The following DDX10 variants were observed in gnomAD, a reference collection of about 807,000 sequenced individuals.
The protein encoded by DDX10 is probable ATP-dependent RNA helicase DDX10.
A neutral mutation model predicts 104.3 loss-of-function variants in DDX10; 74 were observed. The observed-to-expected ratio is 0.71, with a 90% CI of 0.59 to 0.86. The LOEUF is 0.86. Among genes scored for constraint, DDX10 ranks in the 40% least tolerant of loss-of-function variants. The pLI, the probability that DDX10 is intolerant of heterozygous loss-of-function variation, is 0.00. For missense variants in DDX10, 952 were observed against 1,040.0 expected (o/e 0.92, Z 1.16); for synonymous variants, 351 against 353.4 (o/e 0.99, Z 0.08).
chr11:108,739,486 T>C (rs145976189), intron 13 of DDX10, among the ~76,000 whole-genome samples: 121 of 152,336 alleles, frequency 7.9e-4, no homozygotes, highest in African/African-American at 2.6e-3. Flanking sequence ...TGTATACTTT[T>C]ATGAAGGTAA....
rs541841645 is a variant in DDX10 at position 108,801,253 on chromosome 11, C to A, written c.1966-37193C>A. On this transcript the variant is annotated intron_variant, in intron 13 of 17. Transcript: ENST00000322536. ...AAAAATCTATCATTATATGTCCTTA[C>A]CTGCCTAACCTGTGACGAGAAATGA... is the stretch of plus-strand genomic sequence containing the variant. Among the ~76,000 whole-genome samples, 11 of 152,254 alleles carry A rather than the reference C, an allele frequency of 7.2e-5. No homozygotes were observed. The South Asian group carries it at 2.3e-3, about 32-fold the overall frequency.
Position 108,852,165 on chromosome 11 carries a change from A to C in DDX10, c.2260A>C (p.Lys754Gln). Residue 754 changes from lysine to glutamine, a missense_variant, in exon 16 of 18, where the codon AAA (lysine) becomes CAA (glutamine). This residue lies in a region of DDX10 where 533 missense variants were observed against 534.1 expected (regional missense o/e 1.00). Transcript: ENST00000322536. ...IKAKHREKRL[K>Q]EREARREANK... is the part of the protein sequence containing the mutation. Reference sequence around the variant, plus strand: ...TCCTTGTCTCCAGGAGAAAAGACTGAAAGAAAGGGAAGCCAGAAGAGAAGC... The same window carrying C: ...TCCTTGTCTCCAGGAGAAAAGACTGCAAGAAAGGGAAGCCAGAAGAGAAGC... The C allele has an allele frequency of 6.2e-7, 1 of 1,610,976 alleles. No individual in the cohort carries two copies. The highest frequency in any genetic ancestry group is 1.3e-5 in the African/African-American group (1 of 74,984).
At chr11:108,784,651 C>A (rs977729165) in intron 13 of DDX10, among the ~76,000 whole-genome samples, 2 of 152,052 alleles carry the variant, frequency 1.3e-5, no homozygotes, top group Non-Finnish European at 2.9e-5. Context: ...AGGCTGTTTA[C>A]TCTGTTGGGA....
chr11:108,869,768 G>A (rs1171965568), intron 16 of DDX10, among the ~76,000 whole-genome samples: 2 of 151,928 alleles, frequency 1.3e-5, no homozygotes, highest in Non-Finnish European at 2.9e-5. Flanking sequence ...TGAAATTTTG[G>A]CAGTAGAGAT....
At chr11:108,885,418 C>T (rs919203213) in intron 16 of DDX10, among the ~76,000 whole-genome samples, 13 of 147,742 alleles carry the variant, frequency 8.8e-5, no homozygotes, top group African/African-American at 2.8e-4. Flanking sequence ...AGTGTAGTGG[C>T]GTGATCTCAG....
intron 16 of DDX10, among the ~76,000 whole-genome samples, chr11:108,881,537 G>C (rs916874994): frequency 5.3e-5 from 8 of 152,174 alleles, no homozygotes; most frequent in African/African-American, 1.9e-4. Flanking sequence ...ATGATGGTGT[G>C]AAAGTGATCC....
rs1023792897 is a variant in DDX10 at position 108,678,368 on chromosome 11, A to C, written c.591A>C (p.Thr197=). Reference sequence around the variant, plus strand: ...ACAACATAAATATACTCGTGTGCACACCAGGTCGGCTTCTTCAACACATGG... The same window carrying C: ...ACAACATAAATATACTCGTGTGCACCCCAGGTCGGCTTCTTCAACACATGG... ...RINNINILVC[T]PGRLLQHMDE... Residue 197 remains threonine (T), a synonymous_variant, in exon 5 of 18, where the codon ACA becomes ACC. Transcript: ENST00000322536. The C allele has an allele frequency of 1.9e-6, 3 of 1,613,490 alleles. No homozygotes were observed. Among genetic ancestry groups the C allele is most frequent in the Non-Finnish European group, 2.5e-6 (3 of 1,179,776 alleles).
At chr11:108,752,687 G>A (rs925247994) in intron 13 of DDX10, among the ~76,000 whole-genome samples, 1 of 152,006 alleles carries the variant, frequency 6.6e-6, no homozygotes, top group Non-Finnish European at 1.5e-5. Flanking sequence ...AATCACAGTG[G>A]TATTTATTTG....
intron 15 of DDX10, among the ~76,000 whole-genome samples, chr11:108,851,588 G>C (rs552705404): frequency 6.6e-5 from 10 of 152,134 alleles, no homozygotes; most frequent in Non-Finnish European, 1.0e-4. Flanking sequence ...AATAATACTA[G>C]TTATTATTTT....
At chr11:108,722,171 T>C (rs1212582455) in intron 12 of DDX10, among the ~76,000 whole-genome samples, 1 of 152,236 alleles carries the variant, frequency 6.6e-6, no homozygotes, top group Non-Finnish European at 1.5e-5. Flanking sequence ...AGCAGTCTTA[T>C]TTCTGAATCC....
At chr11:108,806,152 G>A (rs761374310) in intron 13 of DDX10, among the ~76,000 whole-genome samples, 10 of 151,872 alleles carry the variant, frequency 6.6e-5, no homozygotes, top group Non-Finnish European at 1.2e-4. Flanking sequence ...TAGTAGAGAC[G>A]GGGTCTCTCC....
chr11:108,866,542 G>T (rs1049690284), intron 16 of DDX10, among the ~76,000 whole-genome samples: 2 of 152,080 alleles, frequency 1.3e-5, no homozygotes, highest in South Asian at 2.1e-4. Context: ...ACCAGTAACT[G>T]AATGGAACAT....
chr11:108,831,767 A>G (rs1377077447), intron 13 of DDX10, among the ~76,000 whole-genome samples: 2 of 151,956 alleles, frequency 1.3e-5, no homozygotes, highest in African/African-American at 2.4e-5. Context: ...TTCATTGATT[A>G]TATTTTGAAT....
chr11:108,844,444 A>G (rs1287473473), intron 15 of DDX10, among the ~76,000 whole-genome samples: 1 of 152,224 alleles, frequency 6.6e-6, no homozygotes, highest in Non-Finnish European at 1.5e-5. Context: ...CTACAATAGC[A>G]TACATAAGGC....
intron 16 of DDX10, among the ~76,000 whole-genome samples, chr11:108,877,094 A>G (rs1042195923): frequency 2.6e-5 from 4 of 152,224 alleles, no homozygotes; most frequent in African/African-American, 9.6e-5. Flanking sequence ...AATATTCTGG[A>G]AAATTCAAAA....
At chr11:108,777,311 T>C (rs2094371135) in intron 13 of DDX10, among the ~76,000 whole-genome samples, 1 of 152,086 alleles carries the variant, frequency 6.6e-6, no homozygotes, top group Admixed American at 6.5e-5. Context: ...TTTTTTCTTT[T>C]TCTTTTCTCT....
chr11:108,854,406 C>A (rs780070570), intron 16 of DDX10, among the ~76,000 whole-genome samples: 1 of 152,092 alleles, frequency 6.6e-6, no homozygotes, highest in Non-Finnish European at 1.5e-5. Flanking sequence ...CTCGTTGATC[C>A]TCTTATGTAA....
chr11:108,722,922 A>C (rs2094300105), intron 12 of DDX10, 75 bp from the exon 13 acceptor site: 1 of 1,481,906 alleles, frequency 6.7e-7, no homozygotes, highest in East Asian at 2.3e-5. Context: ...TCTGCTCTTG[A>C]GAAACTCTTC....
intron 7 of DDX10, among the ~76,000 whole-genome samples, chr11:108,689,320 A>G (rs541093824): frequency 7.9e-5 from 12 of 152,326 alleles, no homozygotes; most frequent in African/African-American, 2.9e-4. Context: ...AGTAGAATGA[A>G]TAATTGTTAT....
Sources: gnomAD v4.1 joint callset for allele counts (sites outside exome capture counted in the v4.1 genomes callset) on GRCh38, gnomAD v4.1.1 for gene constraint, gnomAD v4.1.1 regional missense constraint, MANE v1.5 for transcripts, NCBI Gene and HGNC (gene_info 2026-07-23, HGNC 2026-07-21) for gene names.